Variants in CNNM2 observed in about 807,000 individuals in gnomAD.
CNNM2 encodes the protein cyclin and CBS domain divalent metal cation transport mediator 2.
CNNM2 carries 12 observed loss-of-function variants against 66.9 expected under a neutral mutation model. The observed-to-expected ratio is 0.18, with a 90% confidence interval of 0.11 to 0.29. The LOEUF (loss-of-function observed/expected upper bound fraction) is 0.29. Among genes scored for constraint, CNNM2 ranks in the 10% least tolerant of loss-of-function variants. The pLI is 1.00. For synonymous variants in CNNM2, 557 were observed against 501.8 expected, an observed-to-expected ratio of 1.11 and a Z score of -1.47; for missense variants, 705 against 1,167.7, an observed-to-expected ratio of 0.60 and a Z score of 5.77.
At chr10:103,035,107 G>A (rs1389572257) in intron 1 of CNNM2, among the ~76,000 whole-genome samples, 3 of 152,032 alleles carry the variant, frequency 2.0e-5, no homozygotes, top group African/African-American at 7.2e-5. Context: ...CAACATAGTG[G>A]GACCGTGTCT....
rs17727391 is a variant in CNNM2 at position 103,076,344 on chromosome 10, C to A, written c.2418+74C>A. ...CTTCCCTGGCAAATTGTCTGTTTTGCTCCTTGCCCTCCTCAGAACTCTCCC... is the reference window on the plus strand; with the variant it reads ...CTTCCCTGGCAAATTGTCTGTTTTGATCCTTGCCCTCCTCAGAACTCTCCC... On this transcript the variant is annotated intron_variant, in intron 7 of 7. Transcript: ENST00000369878. The A allele has an allele frequency of 0.1, 141,816 of 1,422,848 alleles. 7,477 individuals carry two copies. Among genetic ancestry groups the A allele is most frequent in the Middle Eastern group, 0.19 (798 of 4,274 alleles). The allele number at this position is 1,422,848 out of a possible 1,614,324, so 88.1% of individuals were successfully genotyped here. A position where few individuals can be genotyped will look rare whatever the true frequency, so the allele number is the denominator to read the frequency against.
chr10:102,978,434 G>T (rs1373228035), intron 1 of CNNM2, among the ~76,000 whole-genome samples: 8 of 151,876 alleles, frequency 5.3e-5, no homozygotes, highest in Admixed American at 5.3e-4. Context: ...TAATCTGTTA[G>T]GAAATCTTAC....
chr10:103,032,366 G>A (rs571265452), intron 1 of CNNM2, among the ~76,000 whole-genome samples: 139 of 151,978 alleles, frequency 9.1e-4, no homozygotes, highest in African/African-American at 3.2e-3. Flanking sequence ...CAGGAGAATC[G>A]CTTGAACCTG....
At position 103,080,058 on chromosome 10, in the gene CNNM2, GTGGC is replaced by G. The variant is rs1318271990; in HGVS notation, c.*2881_*2884del. 2.6e-5 allele frequency: 4 copies of G among 152,260 alleles called. No individual in the cohort carries two copies. Among genetic ancestry groups the G allele is most frequent in the Admixed American group, 1.3e-4 (2 of 15,278 alleles). The allele number at this position is 152,260 out of a possible 1,614,324, so 9.4% of individuals were successfully genotyped here. ...ACCGTGGAATAGCTGCGGTCTCGAT[GTGGC>G]TGCTCTTTGGCACCTCCGCTGGACT... On this transcript the variant is annotated 3_prime_UTR_variant, in exon 8 of 8. Transcript: ENST00000369878.
intron 1 of CNNM2, among the ~76,000 whole-genome samples, chr10:103,012,951 C>A (rs945990066): frequency 6.6e-6 from 1 of 152,112 alleles, no homozygotes; most frequent in African/African-American, 2.4e-5. Context: ...GAAAGAAGTA[C>A]CATATGAAAT....
At chr10:103,000,628 T>G (rs1285893859) in intron 1 of CNNM2, among the ~76,000 whole-genome samples, 1 of 151,998 alleles carries the variant, frequency 6.6e-6, no homozygotes, top group Non-Finnish European at 1.5e-5. Context: ...TCATTTTTAG[T>G]AGAGTAAGGG....
rs1024991344 is a variant in CNNM2 at position 103,081,396 on chromosome 10, T to A, written c.*4216T>A. 1 of 152,096 alleles carries A rather than the reference T, an allele frequency of 6.6e-6. No individual in the cohort carries two copies. Among genetic ancestry groups the A allele is most frequent in the African/African-American group, 2.4e-5 (1 of 41,390 alleles). The allele number at this position is 152,096 out of a possible 1,614,324, so 9.4% of individuals were successfully genotyped here. On this transcript the variant is annotated 3_prime_UTR_variant, in exon 8 of 8. Transcript: ENST00000369878. ...CTTCTGTCCATCAAGGGTATCTGGG[T>A]GAGTTGTAGGTTAACCCAGAATTTA...
At position 102,931,451 on chromosome 10, in the gene CNNM2, G is replaced by A. The variant is rs540045555; in HGVS notation, c.1621+11350G>A. 5.9e-5 allele frequency among the ~76,000 whole-genome samples: 9 copies of A among 151,362 alleles called. No homozygotes were observed. In the South Asian group the frequency reaches 1.2e-3, roughly 21 times the overall value. ...ACCTCACCGCAACCTCCGCCTTCCC[G>A]GGTTCAAGTGATTCTCCTGCCTCAG... On this transcript the variant is annotated intron_variant, in intron 1 of 7. Transcript: ENST00000369878.
intron 1 of CNNM2, among the ~76,000 whole-genome samples, chr10:103,033,129 AG>A: frequency 6.6e-6 from 1 of 151,508 alleles, no homozygotes. Context: ...AAAAAAAAAA[AG>A]AAAAGAAAAA....
intron 1 of CNNM2, among the ~76,000 whole-genome samples, chr10:103,008,282 A>C (rs2064266717): frequency 6.6e-6 from 1 of 152,226 alleles, no homozygotes; most frequent in Admixed American, 6.5e-5. Context: ...GACCCAGGGC[A>C]AGATGAAAAT....
rs2065656638 is a variant in CNNM2 at position 103,074,531 on chromosome 10, C to G, written c.2234-1555C>G. Among the ~76,000 whole-genome samples the G allele has an allele frequency of 2.0e-5, 3 of 151,980 alleles. No homozygotes were observed. The South Asian group carries it at 6.2e-4, about 32-fold the overall frequency. ...GACAATTGGAGGGAGAGTTAAGATA[C>G]AAAAATTTTAGGAGAAAGTGGCCAG... On this transcript the variant is annotated intron_variant, in intron 6 of 7. Coordinates refer to ENST00000369878, the MANE Select transcript of CNNM2 (RefSeq NM_017649.5).
chr10:102,985,256 T>C (rs2063778301), intron 1 of CNNM2, among the ~76,000 whole-genome samples: 3 of 152,138 alleles, frequency 2.0e-5, no homozygotes, highest in Non-Finnish European at 4.4e-5. Flanking sequence ...GAAACAAGTT[T>C]TTCCCCTTCT....
chr10:103,011,984 C>G (rs2064352118), intron 1 of CNNM2, among the ~76,000 whole-genome samples: 1 of 152,220 alleles, frequency 6.6e-6, no homozygotes, highest in South Asian at 2.1e-4. Context: ...AGCCACCATG[C>G]CCAGCCTAAT....
At chr10:103,071,929 T>G in intron 6 of CNNM2, 90 bp downstream of exon 6, 1 of 1,088,106 alleles carries the variant, frequency 9.2e-7, no homozygotes, top group Non-Finnish European at 1.4e-6. Context: ...TCCCTTTACC[T>G]GGACAGGCTG....
At chr10:102,992,961 G>A (rs1359935750) in intron 1 of CNNM2, among the ~76,000 whole-genome samples, 2 of 152,086 alleles carry the variant, frequency 1.3e-5, no homozygotes, top group African/African-American at 4.8e-5. Flanking sequence ...GTGTAGGTCA[G>A]TTTATCATCT....
chr10:102,966,568 A>G (rs947383575), intron 1 of CNNM2, among the ~76,000 whole-genome samples: 5 of 152,210 alleles, frequency 3.3e-5, no homozygotes, highest in African/African-American at 1.2e-4. Context: ...CGGAGGCTGC[A>G]GTGAGTCGAG....
chr10:103,063,405 A>C (rs905213755), intron 4 of CNNM2, among the ~76,000 whole-genome samples: 1 of 152,164 alleles, frequency 6.6e-6, no homozygotes, highest in South Asian at 2.1e-4. Flanking sequence ...CAAGAAGGTG[A>C]GCGGGAGACC....
intron 1 of CNNM2, among the ~76,000 whole-genome samples, chr10:102,922,328 A>ATTT (rs34290283): frequency 1.3e-4 from 20 of 150,432 alleles, no homozygotes; most frequent in South Asian, 2.1e-4. Context: ...CCTTTCTTGG[A>ATTT]TTTTTTTTTT....
At chr10:102,961,463 A>G (rs2063379213) in intron 1 of CNNM2, among the ~76,000 whole-genome samples, 1 of 152,218 alleles carries the variant, frequency 6.6e-6, no homozygotes, top group Non-Finnish European at 1.5e-5. Flanking sequence ...CTATTTCTCT[A>G]GTAATTCACT....
Sources: allele counts gnomAD v4.1 joint callset (sites outside exome capture counted in the v4.1 genomes callset), GRCh38; gene constraint gnomAD v4.1.1; transcripts MANE v1.5; gene names NCBI Gene and HGNC (gene_info 2026-07-23, HGNC 2026-07-21).